Variants in FBXL7 observed in about 807,000 individuals in gnomAD.
FBXL7 encodes the protein F-box and leucine rich repeat protein 7, also known as F-box/LRR-repeat protein 7.
FBXL7 carries 12 observed loss-of-function variants against 38.3 expected under a neutral mutation model. That is an observed-to-expected ratio of 0.31 (90% confidence interval 0.20 to 0.51). FBXL7 has a LOEUF of 0.51. Among genes scored for constraint, FBXL7 ranks in the 20% least tolerant of loss-of-function variants. FBXL7 has a pLI of 0.98. For missense variants in FBXL7, 567 were observed against 676.4 expected (o/e 0.84, Z 1.79); for synonymous variants, 297 against 300.9 (o/e 0.99, Z 0.13).
intron 2 of FBXL7, among the ~76,000 whole-genome samples, chr5:15,812,781 T>C (rs946914243): frequency 6.6e-6 from 1 of 152,178 alleles, no homozygotes; most frequent in African/African-American, 2.4e-5. Flanking sequence ...TGTTTTTCCA[T>C]TTGTTTGTGT....
At chr5:15,735,083 C>T (rs912022374) in intron 2 of FBXL7, among the ~76,000 whole-genome samples, 3 of 152,180 alleles carry the variant, frequency 2.0e-5, no homozygotes, top group African/African-American at 7.2e-5. Context: ...AGGCACGTGC[C>T]ACCATGCCCG....
intron 1 of FBXL7, among the ~76,000 whole-genome samples, chr5:15,579,775 C>T (rs114305646): frequency 0.011 from 1,748 of 152,270 alleles, 27 homozygotes; most frequent in African/African-American, 0.039. Flanking sequence ...AGCTTTCCCT[C>T]TCTTTTGTCC....
intron 2 of FBXL7, among the ~76,000 whole-genome samples, chr5:15,779,049 G>T (rs548204122): frequency 2.3e-4 from 35 of 152,188 alleles, no homozygotes; most frequent in African/African-American, 7.5e-4. Context: ...CATTACAGTA[G>T]ATGACATATA....
At chr5:15,833,550 C>T (rs1030027285) in intron 2 of FBXL7, among the ~76,000 whole-genome samples, 17 of 152,202 alleles carry the variant, frequency 1.1e-4, no homozygotes, top group African/African-American at 3.9e-4. Context: ...AGTATCTTCC[C>T]TGATGATTTA....
chr5:15,781,067 A>G (rs1736977242), intron 2 of FBXL7, among the ~76,000 whole-genome samples: 1 of 152,144 alleles, frequency 6.6e-6, no homozygotes, highest in African/African-American at 2.4e-5. Flanking sequence ...GTGATTCCCA[A>G]GGCCCTCTGC....
chr5:15,734,597 C>T (rs1160130819), intron 2 of FBXL7, among the ~76,000 whole-genome samples: 1 of 152,222 alleles, frequency 6.6e-6, no homozygotes, highest in African/African-American at 2.4e-5. Flanking sequence ...CTGCCTCCCT[C>T]CTCTTCCATC....
intron 2 of FBXL7, among the ~76,000 whole-genome samples, chr5:15,718,442 G>A (rs1249502107): frequency 6.6e-6 from 1 of 152,088 alleles, no homozygotes; most frequent in Non-Finnish European, 1.5e-5. Context: ...ATAAGATTTG[G>A]GTATCTTAGT....
At chr5:15,644,190 G>T (rs1405477230) in intron 2 of FBXL7, among the ~76,000 whole-genome samples, 1 of 151,882 alleles carries the variant, frequency 6.6e-6, no homozygotes, top group African/African-American at 2.4e-5. Context: ...CAGGCGCAGT[G>T]GCCCACGCCT....
chr5:15,926,256 G>A (rs1741873441), intron 2 of FBXL7, among the ~76,000 whole-genome samples: 1 of 148,942 alleles, frequency 6.7e-6, no homozygotes, highest in Admixed American at 6.7e-5. Flanking sequence ...CCATATATGT[G>A]GTATTATTAC....
intron 2 of FBXL7, among the ~76,000 whole-genome samples, chr5:15,858,618 T>G (rs1341658315): frequency 6.6e-6 from 1 of 152,192 alleles, no homozygotes; most frequent in Non-Finnish European, 1.5e-5. Context: ...TGCACATTTG[T>G]ACTGATATGT....
intron 1 of FBXL7, among the ~76,000 whole-genome samples, chr5:15,554,059 G>T (rs555604096): frequency 7.2e-5 from 11 of 152,156 alleles, no homozygotes; most frequent in Non-Finnish European, 1.3e-4. Context: ...GGGAGAGAGA[G>T]AATTGGCTTG....
intron 2 of FBXL7, among the ~76,000 whole-genome samples, chr5:15,741,821 A>G (rs72732056): frequency 0.11 from 16,083 of 152,120 alleles, 948 homozygotes; most frequent in Non-Finnish European, 0.13. Context: ...TTTCCTCCGA[A>G]GAAACCAGCA....
At chr5:15,666,846 A>G (rs1742299194) in intron 2 of FBXL7, among the ~76,000 whole-genome samples, 2 of 152,196 alleles carry the variant, frequency 1.3e-5, no homozygotes. Flanking sequence ...AAATAAAGTG[A>G]GATGGCTCTG....
chr5:15,642,354 C>T lies in FBXL7; in HGVS notation c.127+26282C>T, dbSNP rs536628915. Among the ~76,000 whole-genome samples the T allele has an allele frequency of 1.5e-4, 23 of 152,322 alleles. No individual in the cohort carries two copies. The South Asian group carries it at 4.6e-3, about 30-fold the overall frequency. On this transcript the variant is annotated intron_variant, in intron 2 of 3. Transcript: ENST00000504595. ...TGTAACTCTCCAAGGGTACCCCACA[C>T]ACACAGCCAACTTGAGCAATTTCCA...
intron 2 of FBXL7, among the ~76,000 whole-genome samples, chr5:15,808,340 G>GA (rs1737770011): frequency 6.6e-6 from 1 of 151,890 alleles, no homozygotes; most frequent in African/African-American, 2.4e-5. Flanking sequence ...AAGGGCTTCT[G>GA]AAAAAAATTC....
In FBXL7 at chr5:15,722,274, G is replaced by A. The variant is rs114449647; in HGVS notation, c.127+106202G>A. On this transcript the variant is annotated intron_variant, in intron 2 of 3. Coordinates refer to ENST00000504595, the MANE Select transcript of FBXL7 (RefSeq NM_012304.5). ...ATTGTCTAAGAATTCATAACCACCCGGAATGCCAGGTTTGAATTTAGAATT... is the reference window on the plus strand; with the variant it reads ...ATTGTCTAAGAATTCATAACCACCCAGAATGCCAGGTTTGAATTTAGAATT... 2.2e-3 allele frequency among the ~76,000 whole-genome samples: 332 copies of A among 152,038 alleles called. 3 individuals are homozygous for A. The highest frequency in any genetic ancestry group is 7.3e-3 in the African/African-American group (302 of 41,470).
chr5:15,567,323 C>T (rs888824242), intron 1 of FBXL7, among the ~76,000 whole-genome samples: 3 of 152,100 alleles, frequency 2.0e-5, no homozygotes, highest in Admixed American at 6.6e-5. Flanking sequence ...AGCTGTACTT[C>T]TAGATTTCTA....
intron 2 of FBXL7, among the ~76,000 whole-genome samples, chr5:15,660,555 A>G (rs956612711): frequency 3.3e-5 from 5 of 152,156 alleles, no homozygotes; most frequent in African/African-American, 1.2e-4. Flanking sequence ...ACGGGGTTTC[A>G]CCGTGTTGGT....
At chr5:15,572,387 T>TAAA (rs61523559) in intron 1 of FBXL7, among the ~76,000 whole-genome samples, 5 of 110,548 alleles carry the variant, frequency 4.5e-5, no homozygotes, top group Non-Finnish European at 9.5e-5. Context: ...TGGTTTCTGC[T>TAAA]AAAAAAAAAA....
Sources: allele counts gnomAD v4.1 joint callset (sites outside exome capture counted in the v4.1 genomes callset), GRCh38; gene constraint gnomAD v4.1.1; transcripts MANE v1.5; gene names NCBI Gene and HGNC (gene_info 2026-07-23, HGNC 2026-07-21).